ASAP1: variants seen among roughly 807,000 people sequenced by gnomAD.
ASAP1 encodes the protein arf-GAP with SH3 domain, ANK repeat and PH domain-containing protein 1.
ASAP1 carries 43 observed loss-of-function variants against 145.2 expected under a neutral mutation model. That is an observed-to-expected ratio of 0.30 (90% CI 0.23 to 0.38). The LOEUF (loss-of-function observed/expected upper bound fraction) is 0.38. Among genes scored for constraint, ASAP1 ranks in the 10% least tolerant of loss-of-function variants. ASAP1 has a pLI of 1.00. For synonymous variants in ASAP1, 546 were observed against 515.5 expected (o/e 1.06, Z -0.80); for missense variants, 1,018 against 1,355.3 (o/e 0.75, Z 3.91).
At position 130,052,530 on chromosome 8, in the gene ASAP1, G is replaced by A. The variant is rs2097394945; in HGVS notation, c.*2201C>T. The A allele has an allele frequency of 6.6e-6, 1 of 152,172 alleles. No individual in the cohort carries two copies. Among genetic ancestry groups the A allele is most frequent in the Non-Finnish European group, 1.5e-5 (1 of 67,984 alleles). 9.4% of individuals were successfully genotyped at this position (152,172 alleles called of 1,614,324 possible). A position where few individuals can be genotyped will look rare whatever the true frequency, so the allele number is the denominator to read the frequency against. ...ACTTAAACTCAACAAGATCACCAAAGGTATTTCTACTGAGTTTTCCTATGT... is the reference window on the plus strand; with the variant it reads ...ACTTAAACTCAACAAGATCACCAAAAGTATTTCTACTGAGTTTTCCTATGT... On this transcript the variant is annotated 3_prime_UTR_variant, in exon 30 of 30. Transcript: ENST00000518721.
intron 14 of ASAP1, among the ~76,000 whole-genome samples, chr8:130,136,014 T>C: frequency 6.6e-6 from 1 of 152,210 alleles, no homozygotes. Context: ...TGTGCTTCTA[T>C]ACATAGATCA....
chr8:130,142,111 C>G (rs1338759529), intron 13 of ASAP1, among the ~76,000 whole-genome samples: 1 of 152,158 alleles, frequency 6.6e-6, no homozygotes, highest in Non-Finnish European at 1.5e-5. Context: ...TCTTCAGTTT[C>G]TTTTACTAAG....
chr8:130,094,539 C>T (rs1227580275), intron 24 of ASAP1, among the ~76,000 whole-genome samples: 3 of 151,964 alleles, frequency 2.0e-5, no homozygotes, highest in East Asian at 1.9e-4. Flanking sequence ...TTTATGGATA[C>T]GAATAGTTGT....
At position 130,152,527 on chromosome 8, in the gene ASAP1, G is replaced by GC. The variant is rs148303820; in HGVS notation, c.1080+208dup. On this transcript the variant is annotated intron_variant, in intron 13 of 29. Coordinates refer to ENST00000518721, the MANE Select transcript of ASAP1 (RefSeq NM_018482.4). ...AAAATACCGTATTCATTTTGAGAGA[G>GC]CAAAAAAACAAGTTTCTAGTGATGC... 8.1e-3 allele frequency: 3,099 copies of GC among 382,824 alleles called. 87 individuals carry two copies. Among genetic ancestry groups the GC allele is most frequent in the African/African-American group, 0.058 (2,798 of 47,980 alleles). 23.7% of individuals were successfully genotyped at this position (382,824 alleles called of 1,614,324 possible). A position where few individuals can be genotyped will look rare whatever the true frequency, so the allele number is the denominator to read the frequency against.
intron 3 of ASAP1, among the ~76,000 whole-genome samples, chr8:130,252,414 A>C (rs1819255054): frequency 6.6e-6 from 1 of 152,196 alleles, no homozygotes; most frequent in Non-Finnish European, 1.5e-5. Context: ...TTCAGTACTT[A>C]AAATATTTTT....
chr8:130,347,743 C>T (rs1366142442), intron 3 of ASAP1, among the ~76,000 whole-genome samples: 2 of 152,224 alleles, frequency 1.3e-5, no homozygotes, highest in South Asian at 2.1e-4. Flanking sequence ...ATCCTCGCCT[C>T]AGAATCAGGC....
At chr8:130,170,612 T>C (rs1289865637) in intron 9 of ASAP1, among the ~76,000 whole-genome samples, 1 of 152,158 alleles carries the variant, frequency 6.6e-6, no homozygotes, top group South Asian at 2.1e-4. Context: ...AGAAACCTTA[T>C]TGAAATAAAG....
intron 3 of ASAP1, among the ~76,000 whole-genome samples, chr8:130,257,347 G>A (rs1337891065): frequency 6.6e-6 from 1 of 152,072 alleles, no homozygotes; most frequent in African/African-American, 2.4e-5. Flanking sequence ...GGTCCACTAA[G>A]AACAAACAAG....
intron 1 of ASAP1, among the ~76,000 whole-genome samples, chr8:130,408,819 T>C (rs927303881): frequency 1.3e-5 from 2 of 152,160 alleles, no homozygotes; most frequent in African/African-American, 4.8e-5. Context: ...ATACAGCTGG[T>C]TAGTGGTGGC....
chr8:130,058,143 T>C, intron 28 of ASAP1, 67 bp from the exon 29 acceptor site: 1 of 1,575,086 alleles, frequency 6.3e-7, no homozygotes, highest in South Asian at 1.1e-5. Flanking sequence ...CAGCGGTTCT[T>C]TGTAAAATGG....
At chr8:130,201,003 T>C (rs558521792) in intron 5 of ASAP1, among the ~76,000 whole-genome samples, 12 of 152,322 alleles carry the variant, frequency 7.9e-5, no homozygotes, top group African/African-American at 2.9e-4. Context: ...AGTGTGGTCC[T>C]CAAATCAGTA....
At chr8:130,424,725 G>A (rs1293180439) in intron 1 of ASAP1, among the ~76,000 whole-genome samples, 2 of 152,074 alleles carry the variant, frequency 1.3e-5, no homozygotes, top group African/African-American at 2.4e-5. Context: ...CAGGCGTGGT[G>A]GCTCAGGCCT....
At chr8:130,164,648 T>C (rs2136053503) in intron 11 of ASAP1, among the ~76,000 whole-genome samples, 1 of 152,314 alleles carries the variant, frequency 6.6e-6, no homozygotes, top group South Asian at 2.1e-4. Flanking sequence ...AAATAGTTCT[T>C]TTGTAGATTA....
chr8:130,180,120 A>G (rs1814255801), intron 8 of ASAP1, among the ~76,000 whole-genome samples: 1 of 151,918 alleles, frequency 6.6e-6, no homozygotes, highest in African/African-American at 2.4e-5. Flanking sequence ...AGAGAAAGCG[A>G]GGAAGAAGGA....
At chr8:130,359,192 T>A (rs1334998206) in intron 2 of ASAP1, among the ~76,000 whole-genome samples, 2 of 152,186 alleles carry the variant, frequency 1.3e-5, no homozygotes, top group Non-Finnish European at 2.9e-5. Flanking sequence ...AAAAAATAAT[T>A]TTCTAATCTT....
At chr8:130,343,156 G>T (rs761877792) in intron 3 of ASAP1, among the ~76,000 whole-genome samples, 3 of 152,158 alleles carry the variant, frequency 2.0e-5, no homozygotes, top group Non-Finnish European at 4.4e-5. Flanking sequence ...TTTTCATAGT[G>T]AATGCTATTT....
At chr8:130,424,941 C>T (rs374098608) in intron 1 of ASAP1, among the ~76,000 whole-genome samples, 20 of 148,440 alleles carry the variant, frequency 1.3e-4, no homozygotes, top group African/African-American at 5.0e-4. Flanking sequence ...TGCAGTGAGC[C>T]GAGATCTCAC....
intron 14 of ASAP1, 77 bp from the exon 15 acceptor site, chr8:130,134,421 C>T: frequency 1.1e-6 from 1 of 908,618 alleles, no homozygotes; most frequent in Non-Finnish European, 1.6e-6. Flanking sequence ...ATTTAAGTTC[C>T]TGGGAAGAAA....
At chr8:130,424,437 G>A (rs1276654917) in intron 1 of ASAP1, among the ~76,000 whole-genome samples, 1 of 152,220 alleles carries the variant, frequency 6.6e-6, no homozygotes, top group Non-Finnish European at 1.5e-5. Context: ...CAGCACCGCT[G>A]ATTCAAACAG....
Sources: allele counts gnomAD v4.1 joint callset (sites outside exome capture counted in the v4.1 genomes callset), GRCh38; gene constraint gnomAD v4.1.1; transcripts MANE v1.5; gene names NCBI Gene and HGNC (gene_info 2026-07-23, HGNC 2026-07-21).